The following ERC2 variants were observed in gnomAD, a reference collection of about 807,000 sequenced individuals.
ERC2 encodes ELKS/RAB6-interacting/CAST family member 2, also known as ERC protein 2.
A neutral mutation model predicts 114.8 loss-of-function variants in ERC2; 42 were observed. The observed-to-expected ratio is 0.37, with a 90% CI of 0.29 to 0.47. The LOEUF (loss-of-function observed/expected upper bound fraction) is 0.47. ERC2 is among the 20% of genes least tolerant of loss of function. ERC2 has a pLI of 0.99. For synonymous variants in ERC2, 454 were observed against 425.5 expected, an observed-to-expected ratio of 1.07 and a Z score of -0.82; for missense variants, 939 against 1,150.7, an observed-to-expected ratio of 0.82 and a Z score of 2.66.
intron 2 of ERC2, among the ~76,000 whole-genome samples, chr3:56,420,729 C>CAA (rs758867501): frequency 8.2e-6 from 1 of 122,556 alleles, no homozygotes; most frequent in African/African-American, 3.0e-5. Context: ...ACTAAAAATA[C>CAA]AAAAAAAAAA....
intron 14 of ERC2, among the ~76,000 whole-genome samples, chr3:55,785,522 C>G (rs1012163002): frequency 6.6e-6 from 1 of 152,172 alleles, no homozygotes; most frequent in Non-Finnish European, 1.5e-5. Context: ...CTTTGTCCAA[C>G]TCTCCAATGC....
chr3:56,174,729 C>A (rs902311299), intron 3 of ERC2, among the ~76,000 whole-genome samples: 1 of 152,074 alleles, frequency 6.6e-6, no homozygotes, highest in African/African-American at 2.4e-5. Context: ...CCTGTAATAC[C>A]AACACTTTGG....
At chr3:55,610,623 C>T (rs2058873188) in intron 17 of ERC2, 1 of 151,918 alleles carries the variant, frequency 6.6e-6, no homozygotes, top group South Asian at 2.1e-4. Context: ...GGGAGGATTC[C>T]TTGAGCCTCG....
chr3:56,386,034 C>G (rs1263201642), intron 2 of ERC2, among the ~76,000 whole-genome samples: 1 of 152,044 alleles, frequency 6.6e-6, no homozygotes, highest in Non-Finnish European at 1.5e-5. Flanking sequence ...CAGTTTTGAA[C>G]AAGTAAAGAC....
At chr3:55,759,462 T>TAAAA (rs540204065) in intron 14 of ERC2, among the ~76,000 whole-genome samples, 2 of 36,076 alleles carry the variant, frequency 5.5e-5, no homozygotes, top group African/African-American at 2.1e-4. Flanking sequence ...TCTCTTTCAT[T>TAAAA]AAAAAAAAAA....
chr3:55,608,876 C>G (rs1213726499), intron 17 of ERC2, among the ~76,000 whole-genome samples: 1 of 152,190 alleles, frequency 6.6e-6, no homozygotes, highest in African/African-American at 2.4e-5. Context: ...CACTGGCTTC[C>G]GAAGGCTGGC....
chr3:56,105,928 A>C (rs757842540), intron 6 of ERC2, among the ~76,000 whole-genome samples: 14 of 152,238 alleles, frequency 9.2e-5, no homozygotes, highest in Non-Finnish European at 2.9e-5. Context: ...TATTCTTAAA[A>C]CACAACTTGA....
intron 15 of ERC2, among the ~76,000 whole-genome samples, chr3:55,718,077 T>C (rs1323040879): frequency 6.6e-6 from 1 of 152,214 alleles, no homozygotes; most frequent in Non-Finnish European, 1.5e-5. Flanking sequence ...CAGGCTTTTT[T>C]ATGTGACCGC....
In ERC2 at chr3:56,328,575, G is replaced by A. The variant is rs148056894; in HGVS notation, c.658-32140C>T. On this transcript the variant is annotated intron_variant, in intron 2 of 17. Coordinates refer to ENST00000288221, the MANE Select transcript of ERC2 (RefSeq NM_015576.3). ...AAGGTACAAAAGTGAAAAAGAAATAGAAGAGAGAAGTGGTGAAAGGGGAAG... is the reference window on the plus strand; with the variant it reads ...AAGGTACAAAAGTGAAAAAGAAATAAAAGAGAGAAGTGGTGAAAGGGGAAG... Among the ~76,000 whole-genome samples, 11 of 152,336 alleles carry A rather than the reference G, an allele frequency of 7.2e-5. No individual in the cohort carries two copies. The East Asian group carries it at 2.1e-3, about 29-fold the overall frequency.
intron 17 of ERC2, among the ~76,000 whole-genome samples, chr3:55,589,781 A>G (rs1559704127): frequency 6.6e-6 from 1 of 152,114 alleles, no homozygotes; most frequent in Non-Finnish European, 1.5e-5. Context: ...GGCAAGCCTC[A>G]TTAGTCAGGG....
intron 3 of ERC2, among the ~76,000 whole-genome samples, chr3:56,210,666 AGT>A (rs1560381082): frequency 6.6e-6 from 1 of 152,212 alleles, no homozygotes; most frequent in Non-Finnish European, 1.5e-5. Flanking sequence ...CTTTTCAGTA[AGT>A]GTTATTTTGT....
chr3:56,252,253 T>G (rs979680286), intron 3 of ERC2, among the ~76,000 whole-genome samples: 1 of 152,204 alleles, frequency 6.6e-6, no homozygotes, highest in East Asian at 1.9e-4. Context: ...TTAATCTGGC[T>G]GAAAATTGAT....
chr3:55,706,165 C>T (rs1309275335), intron 15 of ERC2, among the ~76,000 whole-genome samples: 2 of 152,138 alleles, frequency 1.3e-5, no homozygotes, highest in African/African-American at 4.8e-5. Context: ...CAGTGGACAA[C>T]CCTACAGTGT....
At chr3:56,113,394 A>C (rs2079062645) in intron 6 of ERC2, among the ~76,000 whole-genome samples, 1 of 152,232 alleles carries the variant, frequency 6.6e-6, no homozygotes, top group Non-Finnish European at 1.5e-5. Flanking sequence ...CTGACCATAA[A>C]GATACCTCAC....
chr3:56,133,439 A>G lies in ERC2; in HGVS notation c.1473+6070T>C, dbSNP rs1334506594. 3.3e-5 allele frequency among the ~76,000 whole-genome samples: 5 copies of G among 152,310 alleles called. No individual in the cohort carries two copies. In the South Asian group the frequency reaches 1.0e-3, roughly 32 times the overall value. ...GCGACAGAGCAAGACCCCGCTGCAA[A>G]AAAATAATAAAATAAAATAAAACAA... On this transcript the variant is annotated intron_variant, in intron 6 of 17. Transcript: ENST00000288221.
At chr3:56,045,469 G>A (rs2075408832) in intron 7 of ERC2, among the ~76,000 whole-genome samples, 1 of 152,082 alleles carries the variant, frequency 6.6e-6, no homozygotes, top group African/African-American at 2.4e-5. Flanking sequence ...GAATAGCCCT[G>A]ATAAGCACCT....
intron 3 of ERC2, among the ~76,000 whole-genome samples, chr3:56,272,820 T>C (rs1482869475): frequency 6.6e-6 from 1 of 152,100 alleles, no homozygotes; most frequent in South Asian, 2.1e-4. Flanking sequence ...TGCAGGAACA[T>C]GTCTCAACCA....
Position 55,899,874 on chromosome 3 carries a change from T to C in ERC2, c.2404-11325A>G, listed in dbSNP as rs149174431. On this transcript the variant is annotated intron_variant, in intron 13 of 17. Coordinates refer to ENST00000288221, the MANE Select transcript of ERC2 (RefSeq NM_015576.3). ...TTACAAATGTTTACAAAAAGAGTAA[T>C]TAAACCAATTTCAACTAAGAAAGAT... Among the ~76,000 whole-genome samples the C allele has an allele frequency of 2.0e-5, 3 of 152,304 alleles. No individual in the cohort carries two copies. In the East Asian group the frequency reaches 5.8e-4, roughly 29 times the overall value.
At chr3:55,626,928 C>T (rs907042315) in intron 17 of ERC2, among the ~76,000 whole-genome samples, 1 of 152,188 alleles carries the variant, frequency 6.6e-6, no homozygotes, top group African/African-American at 2.4e-5. Flanking sequence ...TTGTACAGGT[C>T]AAATGGATTA....
Sources: allele counts gnomAD v4.1 joint callset (sites outside exome capture counted in the v4.1 genomes callset), GRCh38; gene constraint gnomAD v4.1.1; transcripts MANE v1.5; gene names NCBI Gene and HGNC (gene_info 2026-07-23, HGNC 2026-07-21).